FSHR: variants seen among roughly 807,000 people sequenced by gnomAD.
The protein encoded by FSHR is follicle-stimulating hormone receptor.
FSHR carries 46 observed loss-of-function variants against 52.1 expected under a neutral mutation model. That is an observed-to-expected ratio of 0.88 (90% confidence interval 0.70 to 1.13). FSHR has a LOEUF of 1.13. FSHR is among the 50% of genes most tolerant of loss of function. The pLI, the probability that FSHR is intolerant of heterozygous loss-of-function variation, is 0.00. For synonymous variants in FSHR, 399 were observed against 309.6 expected, an observed-to-expected ratio of 1.29 and a Z score of -3.03; for missense variants, 964 against 834.6, an observed-to-expected ratio of 1.16 and a Z score of -1.91.
chr2:49,011,927 G>T (rs1271984637), intron 4 of FSHR, among the ~76,000 whole-genome samples: 1 of 152,084 alleles, frequency 6.6e-6, no homozygotes, highest in Admixed American at 6.6e-5. Context: ...AAGAGAGAGA[G>T]GGACTTAGCT....
At chr2:49,033,276 T>A (rs1009046300) in intron 2 of FSHR, among the ~76,000 whole-genome samples, 42 of 151,918 alleles carry the variant, frequency 2.8e-4, no homozygotes, top group Admixed American at 7.2e-4. Context: ...CTCCCCAGAG[T>A]TGAGTGTGAT....
At chr2:48,973,515 G>A (rs1289568106) in intron 8 of FSHR, among the ~76,000 whole-genome samples, 1 of 152,226 alleles carries the variant, frequency 6.6e-6, no homozygotes, top group Non-Finnish European at 1.5e-5. Flanking sequence ...AAACTCCACT[G>A]AGGTCTCCAT....
intron 1 of FSHR, among the ~76,000 whole-genome samples, chr2:49,135,602 T>TA (rs1672461957): frequency 6.6e-6 from 1 of 152,032 alleles, no homozygotes; most frequent in African/African-American, 2.4e-5. Context: ...AAGGAAATAG[T>TA]AAAGATTGTA....
In FSHR at chr2:48,962,991, C is replaced by A. The variant is rs1216661313; in HGVS notation, c.1830G>T (p.Leu610=). 3.7e-6 allele frequency: 6 copies of A among 1,613,964 alleles called. No individual in the cohort carries two copies. The highest frequency in any genetic ancestry group is 1.3e-5 in the African/African-American group (1 of 74,892). The part of the protein sequence containing the change: ...PLITVSKAKI[L]LVLFHPINSC... Reference sequence around the variant, plus strand: ...AGTTGATGGGGTGAAACAGAACCAGCAGAATCTTTGCTTTGGACACAGTGA... The same window carrying A: ...AGTTGATGGGGTGAAACAGAACCAGAAGAATCTTTGCTTTGGACACAGTGA... The change falls in exon 10 of 10, where the codon CTG becomes CTT. Residue 610 remains leucine, a synonymous_variant. Transcript: ENST00000406846.
intron 4 of FSHR, among the ~76,000 whole-genome samples, chr2:49,003,715 G>GA (rs1291531319): frequency 6.6e-6 from 1 of 152,050 alleles, no homozygotes; most frequent in Non-Finnish European, 1.5e-5. Context: ...TTCTATAAAA[G>GA]AAAAAATGAA....
chr2:48,968,507 T>C (rs1674580827), intron 9 of FSHR, among the ~76,000 whole-genome samples, 191 bp downstream of exon 9: 1 of 152,238 alleles, frequency 6.6e-6, no homozygotes, highest in Non-Finnish European at 1.5e-5. Context: ...TGAGCCCACT[T>C]TCAAAGAAAT....
chr2:48,986,947 A>G (rs1435160047), intron 6 of FSHR, among the ~76,000 whole-genome samples: 1 of 152,234 alleles, frequency 6.6e-6, no homozygotes, highest in Non-Finnish European at 1.5e-5. Flanking sequence ...TATATTTTCT[A>G]TAAAAAAATT....
At chr2:48,979,972 C>T (rs1043623908) in intron 8 of FSHR, among the ~76,000 whole-genome samples, 1 of 152,206 alleles carries the variant, frequency 6.6e-6, no homozygotes, top group East Asian at 1.9e-4. Flanking sequence ...TGCACACCTA[C>T]ACAAGCACCT....
In FSHR at chr2:48,963,898, C is replaced by T; in HGVS notation, c.923G>A (p.Arg308Lys). The T allele has an allele frequency of 1.2e-6, 2 of 1,613,658 alleles. No individual in the cohort carries two copies. The highest frequency in any genetic ancestry group is 1.1e-5 in the South Asian group (1 of 91,058). ...RQEVDYMTQA[R>K]GQRSSLAEDN... is the part of the protein sequence containing the mutation. ...TTCTGCCAGAGAGGATCTCTGACCCCTAGCCTGAGTCATATAATCAACTTC... is the reference window on the plus strand; with the variant it reads ...TTCTGCCAGAGAGGATCTCTGACCCTTAGCCTGAGTCATATAATCAACTTC... Residue 308 changes from arginine to lysine, a missense_variant, in exon 10 of 10, where the codon AGG becomes AAG. Transcript: ENST00000406846.
intron 4 of FSHR, among the ~76,000 whole-genome samples, chr2:49,017,241 C>T (rs1434031382): frequency 6.6e-6 from 1 of 152,084 alleles, no homozygotes; most frequent in African/African-American, 2.4e-5. Context: ...TCCATGTGAC[C>T]GTCCCATTAA....
chr2:48,994,892 CT>C (rs1481336207), intron 4 of FSHR, among the ~76,000 whole-genome samples: 6 of 152,088 alleles, frequency 3.9e-5, no homozygotes, highest in Non-Finnish European at 5.9e-5. Context: ...TCTTTCATGC[CT>C]GATTGTCCTT....
At chr2:48,989,422 G>A (rs1270753536) in intron 5 of FSHR, among the ~76,000 whole-genome samples, 1 of 151,828 alleles carries the variant, frequency 6.6e-6, no homozygotes, top group Non-Finnish European at 1.5e-5. Context: ...AGCTGGGACT[G>A]CAGGTGTGCA....
intron 1 of FSHR, among the ~76,000 whole-genome samples, chr2:49,127,803 T>TTCTTCTTCTTCTTCTTCTTCTTCA (rs1672079396): frequency 1.7e-5 from 1 of 60,276 alleles, no homozygotes; most frequent in African/African-American, 7.1e-5. Context: ...CTTCTTCTTC[T>TTCTTCTTCTTCTTCTTCTTCTTCA]TCTTCTTCTT....
At chr2:49,134,202 G>A (rs1353090070) in intron 1 of FSHR, among the ~76,000 whole-genome samples, 1 of 152,072 alleles carries the variant, frequency 6.6e-6, no homozygotes, top group East Asian at 1.9e-4. Context: ...AATCTACCAA[G>A]AACTTAAACA....
chr2:49,071,752 C>T (rs1366165645), intron 1 of FSHR, among the ~76,000 whole-genome samples: 3 of 152,132 alleles, frequency 2.0e-5, no homozygotes, highest in Non-Finnish European at 4.4e-5. Context: ...CAGAAATCTT[C>T]CACTCATGGC....
At chr2:49,061,818 A>G (rs1481349361) in intron 2 of FSHR, among the ~76,000 whole-genome samples, 1 of 139,132 alleles carries the variant, frequency 7.2e-6, no homozygotes, top group Non-Finnish European at 1.5e-5. Flanking sequence ...ATAGTCATAT[A>G]TAACTATATA....
At chr2:49,040,358 G>C (rs975943898) in intron 2 of FSHR, among the ~76,000 whole-genome samples, 2 of 151,960 alleles carry the variant, frequency 1.3e-5, no homozygotes, top group Non-Finnish European at 2.9e-5. Flanking sequence ...TTCTAACCCT[G>C]CTCTAATTTT....
chr2:49,009,182 C>T (rs1216044699), intron 4 of FSHR, among the ~76,000 whole-genome samples: 1 of 151,502 alleles, frequency 6.6e-6, no homozygotes, highest in East Asian at 2.0e-4. Flanking sequence ...AGTCTTTAAT[C>T]CATCTTGAAT....
chr2:49,150,707 C>G (rs776241018), intron 1 of FSHR, among the ~76,000 whole-genome samples: 2 of 151,890 alleles, frequency 1.3e-5, no homozygotes, highest in Non-Finnish European at 2.9e-5. Flanking sequence ...AAAGGCTGCC[C>G]GTGAGTGAAC....
Sources: gnomAD v4.1 joint callset for allele counts (sites outside exome capture counted in the v4.1 genomes callset) on GRCh38, gnomAD v4.1.1 for gene constraint, MANE v1.5 for transcripts, NCBI Gene and HGNC (gene_info 2026-07-23, HGNC 2026-07-21) for gene names.